The following ROBO2 variants were observed in gnomAD, a reference collection of about 807,000 sequenced individuals.
The protein encoded by ROBO2 is roundabout homolog 2.
Under a neutral mutation model 160.8 loss-of-function variants are expected in ROBO2, and 53 were observed. The observed-to-expected ratio is 0.33, with a 90% confidence interval of 0.26 to 0.41. ROBO2 has a LOEUF of 0.41. Ranked by LOEUF, ROBO2 falls within the 10% of genes least tolerant of loss-of-function variation. The probability of loss-of-function intolerance (pLI) is 1.00; values close to 1 mark genes in which losing one functional copy is unlikely to be tolerated. For synonymous variants in ROBO2, 664 were observed against 611.7 expected, an observed-to-expected ratio of 1.09 and a Z score of -1.26; for missense variants, 1,577 against 1,722.4, an observed-to-expected ratio of 0.92 and a Z score of 1.49.
At chr3:76,738,706 T>C (rs1182682292) in intron 2 of ROBO2, among the ~76,000 whole-genome samples, 4 of 152,148 alleles carry the variant, frequency 2.6e-5, no homozygotes, top group African/African-American at 2.4e-5. Context: ...ATGAGAATGA[T>C]ATGGCCGAGT....
intron 2 of ROBO2, among the ~76,000 whole-genome samples, chr3:76,532,938 C>T (rs1421632589): frequency 6.6e-6 from 1 of 152,110 alleles, no homozygotes; most frequent in Non-Finnish European, 1.5e-5. Flanking sequence ...AACTAAGAAG[C>T]TATTGAAAAT....
chr3:76,948,745 T>C (rs12496871), intron 2 of ROBO2, among the ~76,000 whole-genome samples: 142,602 of 142,688 alleles, frequency 1, 71,258 homozygotes, highest in Middle Eastern at 1. Flanking sequence ...CTCATCCTGT[T>C]GCCAGGCTGG....
At chr3:76,215,956 G>T (rs1214633660) in intron 2 of ROBO2, among the ~76,000 whole-genome samples, 2 of 152,170 alleles carry the variant, frequency 1.3e-5, no homozygotes, top group Admixed American at 6.5e-5. Flanking sequence ...ACTAACAGCT[G>T]ATCTCTCAGC....
chr3:76,270,162 A>G (rs1707343737), intron 2 of ROBO2, among the ~76,000 whole-genome samples: 1 of 152,092 alleles, frequency 6.6e-6, no homozygotes, highest in South Asian at 2.1e-4. Flanking sequence ...CTTTACTGGC[A>G]TAAACACTGA....
chr3:77,191,310 T>A (rs2081827607), intron 2 of ROBO2, among the ~76,000 whole-genome samples: 1 of 152,084 alleles, frequency 6.6e-6, no homozygotes, highest in Non-Finnish European at 1.5e-5. Flanking sequence ...TTTTTTGACC[T>A]GTTGTGCCAC....
At chr3:77,136,662 C>G (rs1020250425) in intron 2 of ROBO2, among the ~76,000 whole-genome samples, 26 of 147,018 alleles carry the variant, frequency 1.8e-4, no homozygotes, top group African/African-American at 6.5e-4. Context: ...TTTTTTGAGA[C>G]TGAGTCTCAC....
At chr3:76,446,895 G>T (rs180876952) in intron 2 of ROBO2, among the ~76,000 whole-genome samples, 2 of 152,010 alleles carry the variant, frequency 1.3e-5, no homozygotes, top group African/African-American at 2.4e-5. Context: ...TTAATTCAAG[G>T]TGGATTAAAG....
At chr3:77,248,658 C>T (rs1050235362) in intron 2 of ROBO2, among the ~76,000 whole-genome samples, 1 of 152,134 alleles carries the variant, frequency 6.6e-6, no homozygotes, top group South Asian at 2.1e-4. Context: ...TGAGACCAAC[C>T]GAGTGAGTCC....
chr3:76,459,118 G>A (rs1364879857), intron 2 of ROBO2, among the ~76,000 whole-genome samples: 1 of 152,072 alleles, frequency 6.6e-6, no homozygotes, highest in African/African-American at 2.4e-5. Context: ...CTTTCCTTTT[G>A]GCTCACTCCG....
intron 2 of ROBO2, among the ~76,000 whole-genome samples, chr3:77,462,023 G>T (rs1436074051): frequency 6.6e-6 from 1 of 152,128 alleles, no homozygotes; most frequent in Non-Finnish European, 1.5e-5. Context: ...ACCACGCCTG[G>T]CCTGATTTAC....
At chr3:76,570,265 C>G (rs1046618371) in intron 2 of ROBO2, among the ~76,000 whole-genome samples, 1 of 152,146 alleles carries the variant, frequency 6.6e-6, no homozygotes, top group Non-Finnish European at 1.5e-5. Flanking sequence ...TGACTAGATC[C>G]ACAGGGTAAG....
At chr3:77,086,258 T>G (rs1325076307) in intron 1 of ROBO2, among the ~76,000 whole-genome samples, 3 of 152,082 alleles carry the variant, frequency 2.0e-5, no homozygotes, top group Non-Finnish European at 4.4e-5. Flanking sequence ...ATGCTTATAC[T>G]AGTAGGGAAC....
At chr3:76,592,660 C>T (rs934076164) in intron 2 of ROBO2, among the ~76,000 whole-genome samples, 1 of 152,080 alleles carries the variant, frequency 6.6e-6, no homozygotes, top group Non-Finnish European at 1.5e-5. Context: ...CTTAAAATAG[C>T]ACCCAATTAT....
At chr3:76,786,577 C>T (rs2062992703) in intron 2 of ROBO2, among the ~76,000 whole-genome samples, 1 of 151,256 alleles carries the variant, frequency 6.6e-6, no homozygotes, top group Non-Finnish European at 1.5e-5. Context: ...AACTGGAAAC[C>T]ACTCCCATGA....
intron 2 of ROBO2, among the ~76,000 whole-genome samples, chr3:76,639,765 G>T (rs1259916632): frequency 6.6e-6 from 1 of 152,040 alleles, no homozygotes; most frequent in Non-Finnish European, 1.5e-5. Context: ...AGGGCTAAAA[G>T]GTAACTTTTT....
chr3:76,547,196 A>C (rs1359733331), intron 2 of ROBO2, among the ~76,000 whole-genome samples: 1 of 152,024 alleles, frequency 6.6e-6, no homozygotes, highest in Non-Finnish European at 1.5e-5. Flanking sequence ...TTTAATAGCA[A>C]ATTCTATAAT....
chr3:77,521,148 G>A (rs556423313), intron 5 of ROBO2, among the ~76,000 whole-genome samples: 57 of 151,232 alleles, frequency 3.8e-4, no homozygotes, highest in African/African-American at 1.3e-3. Context: ...CTCACTCCAC[G>A]AAATAGATGT....
At chr3:76,299,425 G>T (rs1709248007) in intron 2 of ROBO2, among the ~76,000 whole-genome samples, 1 of 152,176 alleles carries the variant, frequency 6.6e-6, no homozygotes, top group South Asian at 2.1e-4. Context: ...TGGGTTTTTA[G>T]AATGTTAAGG....
intron 2 of ROBO2, among the ~76,000 whole-genome samples, chr3:77,292,204 T>C (rs1298608840): frequency 2.0e-5 from 3 of 149,878 alleles, no homozygotes; most frequent in Non-Finnish European, 4.4e-5. Context: ...AATTGATGGT[T>C]AAACGGGTAA....
Sources: allele counts gnomAD v4.1 joint callset (sites outside exome capture counted in the v4.1 genomes callset), GRCh38; gene constraint gnomAD v4.1.1; transcripts MANE v1.5; gene names NCBI Gene and HGNC (gene_info 2026-07-23, HGNC 2026-07-21).